Variants in GMDS observed in about 807,000 individuals in gnomAD.
GMDS encodes the protein GDP-mannose 4,6-dehydratase, also known as GDP-mannose 4,6 dehydratase.
Under a neutral mutation model 49.9 loss-of-function variants are expected in GMDS, and 20 were observed. The ratio of observed to expected loss-of-function variants is 0.40; its 90% CI spans 0.28 to 0.58. The LOEUF is 0.58. Among genes scored for constraint, GMDS ranks in the 20% least tolerant of loss-of-function variants. GMDS has a pLI of 0.42. For synonymous variants in GMDS, 177 were observed against 178.6 expected, an observed-to-expected ratio of 0.99 and a Z score of 0.07; for missense variants, 362 against 481.4, an observed-to-expected ratio of 0.75 and a Z score of 2.32.
At chr6:1,987,495 A>G (rs998290610) in intron 4 of GMDS, among the ~76,000 whole-genome samples, 1 of 152,182 alleles carries the variant, frequency 6.6e-6, no homozygotes, top group Non-Finnish European at 1.5e-5. Context: ...CGCAACACCT[A>G]AGGCCCTGGA....
intron 4 of GMDS, among the ~76,000 whole-genome samples, chr6:2,049,821 T>C (rs958753702): frequency 6.6e-6 from 1 of 152,196 alleles, no homozygotes; most frequent in African/African-American, 2.4e-5. Context: ...AGATGTTCTT[T>C]GAAACCAATG....
At chr6:2,184,158 A>G (rs1778675868) in intron 1 of GMDS, among the ~76,000 whole-genome samples, 1 of 151,982 alleles carries the variant, frequency 6.6e-6, no homozygotes, top group East Asian at 1.9e-4. Context: ...ACTTCTCTCC[A>G]TTTTCTCTGC....
intron 7 of GMDS, among the ~76,000 whole-genome samples, chr6:1,785,102 A>G (rs1477684708): frequency 6.6e-6 from 1 of 152,246 alleles, no homozygotes; most frequent in Non-Finnish European, 1.5e-5. Flanking sequence ...AAGCTATAGT[A>G]ACACCTCAAA....
At chr6:1,946,962 T>C (rs1278274306) in intron 6 of GMDS, among the ~76,000 whole-genome samples, 2 of 152,368 alleles carry the variant, frequency 1.3e-5, no homozygotes, top group East Asian at 3.9e-4. Flanking sequence ...TTAATTAATA[T>C]AGCAGAATTC....
At chr6:2,233,580 GA>G (rs1781210406) in intron 1 of GMDS, among the ~76,000 whole-genome samples, 1 of 152,244 alleles carries the variant, frequency 6.6e-6, no homozygotes, top group Non-Finnish European at 1.5e-5. Flanking sequence ...AGCACTTTGA[GA>G]GGCTGAGGTG....
At chr6:1,741,736 T>A (rs1259785249) in intron 8 of GMDS, among the ~76,000 whole-genome samples, 1 of 127,346 alleles carries the variant, frequency 7.9e-6, no homozygotes, top group Admixed American at 1.0e-4. Context: ...TGCTTGAACC[T>A]GGGAGGTGGA....
chr6:1,785,722 C>G (rs1769290472), intron 7 of GMDS, among the ~76,000 whole-genome samples: 1 of 152,244 alleles, frequency 6.6e-6, no homozygotes, highest in Admixed American at 6.5e-5. Flanking sequence ...GAGGCTCCAT[C>G]TCCTGATGGG....
At chr6:1,649,236 A>G (rs1360380188) in intron 9 of GMDS, among the ~76,000 whole-genome samples, 4 of 152,152 alleles carry the variant, frequency 2.6e-5, no homozygotes, top group Non-Finnish European at 5.9e-5. Flanking sequence ...CTAGGAAGAC[A>G]TTAGCCGATT....
rs1228601332 is a variant in GMDS, at chr6:1,833,540, C to A, written c.772-90954G>T. Among the ~76,000 whole-genome samples, 1 of 151,954 alleles carries A rather than the reference C, an allele frequency of 6.6e-6. No homozygotes were observed. On this transcript the variant is annotated intron_variant, in intron 7 of 10. Transcript: ENST00000380815. This position sits in a 1 kb window ranked among gnomAD's most constrained non-coding sequence, Gnocchi z 4.4. ...TTGCCTTTTCTTCCTTTCCCTTCTC[C>A]TCCCCTTCCTGAGGGAACATAACAC... is the stretch of plus-strand genomic sequence containing the variant.
At chr6:1,974,802 G>A (rs1764803429) in intron 4 of GMDS, among the ~76,000 whole-genome samples, 1 of 151,462 alleles carries the variant, frequency 6.6e-6, no homozygotes, top group Non-Finnish European at 1.5e-5. Context: ...AGGCCGAGGC[G>A]GGCAGATCAC....
At chr6:1,673,562 C>A (rs1356175175) in intron 9 of GMDS, among the ~76,000 whole-genome samples, 2 of 151,998 alleles carry the variant, frequency 1.3e-5, no homozygotes, top group Non-Finnish European at 2.9e-5. Context: ...TACCTAAAAT[C>A]CATAGATTTT....
At chr6:1,752,708 C>T (rs976020421) in intron 7 of GMDS, among the ~76,000 whole-genome samples, 2 of 152,184 alleles carry the variant, frequency 1.3e-5, no homozygotes, top group Non-Finnish European at 2.9e-5. Flanking sequence ...CCCTACAAGC[C>T]AGAAGAGAGT....
In GMDS at chr6:1,944,901, T is replaced by A. The variant is rs558708252; in HGVS notation, c.644-14671A>T. Among the ~76,000 whole-genome samples, 4 of 152,266 alleles carry A rather than the reference T, an allele frequency of 2.6e-5. 1 individual carries two copies. In the South Asian group the frequency reaches 8.3e-4, roughly 32 times the overall value. On this transcript the variant is annotated intron_variant, in intron 6 of 10. Transcript: ENST00000380815. ...TGGCTCTAATGACAGTTTCTGTTAT[T>A]CTCTTCTGTCACAGAAAAGTAAATA...
At chr6:1,674,558 C>CTT (rs1561718294) in intron 9 of GMDS, among the ~76,000 whole-genome samples, 4 of 71,438 alleles carry the variant, frequency 5.6e-5, no homozygotes, top group Admixed American at 1.9e-4. Flanking sequence ...CTCTCTCTCT[C>CTT]TCTTTTTTTT....
At chr6:2,086,039 G>T (rs1772993835) in intron 4 of GMDS, among the ~76,000 whole-genome samples, 1 of 152,152 alleles carries the variant, frequency 6.6e-6, no homozygotes, top group Non-Finnish European at 1.5e-5. Context: ...AGAGAGTGTG[G>T]CACAGGTGAG....
intron 9 of GMDS, chr6:1,679,902 T>C (rs1400139152): frequency 6.6e-6 from 1 of 152,096 alleles, no homozygotes; most frequent in Non-Finnish European, 1.5e-5. Flanking sequence ...CTCTATATAT[T>C]ACCTTTGAAC....
intron 7 of GMDS, among the ~76,000 whole-genome samples, chr6:1,840,588 A>G (rs548885680): frequency 6.6e-4 from 100 of 152,320 alleles, no homozygotes; most frequent in African/African-American, 2.3e-3. Context: ...ATTTGCTGCT[A>G]GTGGGGAGCC....
intron 9 of GMDS, among the ~76,000 whole-genome samples, chr6:1,674,403 CTAGA>C (rs1418297944): frequency 6.6e-6 from 1 of 152,024 alleles, no homozygotes; most frequent in Non-Finnish European, 1.5e-5. Context: ...TTTGTACATT[CTAGA>C]TAATCAGTCC....
chr6:2,036,556 TC>T (rs1769317807), intron 4 of GMDS, among the ~76,000 whole-genome samples: 1 of 152,170 alleles, frequency 6.6e-6, no homozygotes, highest in African/African-American at 2.4e-5. Flanking sequence ...ATATAGAAAT[TC>T]CTGGCGTTAC....
Sources: gnomAD v4.1 joint callset for allele counts (sites outside exome capture counted in the v4.1 genomes callset) on GRCh38, gnomAD v4.1.1 for gene constraint, Gnocchi (gnomAD v3.1) non-coding constraint, MANE v1.5 for transcripts, NCBI Gene and HGNC (gene_info 2026-07-23, HGNC 2026-07-21) for gene names.